The following TMEM117 variants were observed in gnomAD, a reference collection of about 807,000 sequenced individuals.
TMEM117 encodes the protein transmembrane protein 117.
Under a neutral mutation model 52.4 loss-of-function variants are expected in TMEM117, and 27 were observed. The ratio of observed to expected loss-of-function variants is 0.51; its 90% confidence interval spans 0.38 to 0.71. The LOEUF is 0.71. Among genes scored for constraint, TMEM117 ranks in the 30% least tolerant of loss-of-function variants. TMEM117 has a pLI of 0.00. For missense variants in TMEM117, 556 were observed against 630.5 expected (o/e 0.88, Z 1.26); for synonymous variants, 215 against 206.3 (o/e 1.04, Z -0.36).
At chr12:44,240,488 A>G (rs948894541) in intron 5 of TMEM117, among the ~76,000 whole-genome samples, 1 of 152,076 alleles carries the variant, frequency 6.6e-6, no homozygotes, top group African/African-American at 2.4e-5. Context: ...TATTGCAACA[A>G]TTGGTGGTCT....
chr12:44,260,086 G>T (rs61628384), intron 5 of TMEM117, among the ~76,000 whole-genome samples: 1 of 152,170 alleles, frequency 6.6e-6, no homozygotes, highest in Non-Finnish European at 1.5e-5. Flanking sequence ...CCAGGCCAAC[G>T]TAGGGACCGA....
At chr12:44,209,520 C>T (rs1949617683) in intron 4 of TMEM117, among the ~76,000 whole-genome samples, 1 of 152,052 alleles carries the variant, frequency 6.6e-6, no homozygotes, top group African/African-American at 2.4e-5. Context: ...GTTGCATTCA[C>T]ATTTATATAG....
At chr12:44,117,252 A>G (rs115168223) in intron 3 of TMEM117, among the ~76,000 whole-genome samples, 1,745 of 151,504 alleles carry the variant, frequency 0.012, 22 homozygotes, top group South Asian at 0.052. Context: ...AAATGTTTCC[A>G]CCTCTCTTTT....
rs1277654234 is a variant in TMEM117 at position 44,389,686 on chromosome 12, T to C, written c.*1014T>C. The C allele has an allele frequency of 6.6e-6, 1 of 152,582 alleles. No homozygotes were observed. Among genetic ancestry groups the C allele is most frequent in the Non-Finnish European group, 1.5e-5 (1 of 68,006 alleles). 9.5% of individuals were successfully genotyped at this position (152,582 alleles called of 1,614,324 possible). On this transcript the variant is annotated 3_prime_UTR_variant, in exon 8 of 8. Coordinates refer to ENST00000266534, the MANE Select transcript of TMEM117 (RefSeq NM_032256.3). ...GAAAGAATTTGTTTAATGTCTTGTT[T>C]TGCGTATGTGTTTTTTGTTTTTGTT...
intron 7 of TMEM117, among the ~76,000 whole-genome samples, chr12:44,381,959 A>G (rs1952027198): frequency 6.6e-6 from 1 of 152,178 alleles, no homozygotes; most frequent in African/African-American, 2.4e-5. Flanking sequence ...CTGTATACAA[A>G]GAAAGTCCCC....
intron 2 of TMEM117, among the ~76,000 whole-genome samples, chr12:43,908,776 C>G (rs1433373385): frequency 2.0e-5 from 3 of 151,928 alleles, no homozygotes; most frequent in Middle Eastern, 3.4e-3. Context: ...GTAAAGGGAT[C>G]AATTCAACAA....
At chr12:44,156,329 A>C (rs1948825496) in intron 4 of TMEM117, among the ~76,000 whole-genome samples, 1 of 152,090 alleles carries the variant, frequency 6.6e-6, no homozygotes, top group African/African-American at 2.4e-5. Flanking sequence ...TTAAGCTGTC[A>C]ATATTTGTAA....
chr12:44,365,742 G>T (rs1473739078), intron 6 of TMEM117, among the ~76,000 whole-genome samples: 1 of 151,694 alleles, frequency 6.6e-6, no homozygotes, highest in Non-Finnish European at 1.5e-5. Context: ...CTCCTATAAA[G>T]GATTTTCTTT....
intron 5 of TMEM117, among the ~76,000 whole-genome samples, chr12:44,241,704 C>G (rs983126308): frequency 2.0e-5 from 3 of 151,242 alleles, no homozygotes; most frequent in African/African-American, 7.2e-5. Context: ...AGAAACATGC[C>G]ATGATATTTT....
chr12:44,176,223 T>C lies in TMEM117; in HGVS notation c.510+32599T>C, dbSNP rs564936229. On this transcript the variant is annotated intron_variant, in intron 4 of 7. Transcript: ENST00000266534. ...GGTTGACTAGACTGGAACATTATCA[T>C]TTTTAGTAGAATTTAAGCTCTGCTA... Among the ~76,000 whole-genome samples the C allele has an allele frequency of 1.1e-3, 162 of 152,322 alleles. No homozygotes were observed. In the Middle Eastern group the frequency reaches 0.014, roughly 13 times the overall value.
chr12:43,953,997 A>G (rs1467200115), intron 3 of TMEM117, among the ~76,000 whole-genome samples: 5 of 152,224 alleles, frequency 3.3e-5, no homozygotes, highest in Non-Finnish European at 5.9e-5. Flanking sequence ...AAGATTTAAA[A>G]GCCTACTCAA....
intron 2 of TMEM117, among the ~76,000 whole-genome samples, chr12:43,931,915 G>T (rs1275007259): frequency 6.6e-6 from 1 of 152,190 alleles, no homozygotes; most frequent in African/African-American, 2.4e-5. Context: ...GTGTCCTTGA[G>T]CTTACACTTT....
intron 3 of TMEM117, among the ~76,000 whole-genome samples, chr12:44,004,745 C>T (rs1256093384): frequency 6.6e-6 from 1 of 152,088 alleles, no homozygotes; most frequent in Non-Finnish European, 1.5e-5. Flanking sequence ...CCAGCCATCA[C>T]CTCCCCTCCA....
At chr12:44,098,496 A>G (rs1451925990) in intron 3 of TMEM117, among the ~76,000 whole-genome samples, 1 of 152,078 alleles carries the variant, frequency 6.6e-6, no homozygotes, top group Non-Finnish European at 1.5e-5. Context: ...GCCTATGAGA[A>G]TGAATACCAG....
chr12:44,184,700 CT>C (rs1006591192), intron 4 of TMEM117, among the ~76,000 whole-genome samples: 3 of 152,166 alleles, frequency 2.0e-5, no homozygotes, highest in Non-Finnish European at 2.9e-5. Flanking sequence ...TTCCTAGAGC[CT>C]CCAGAAAGGA....
intron 2 of TMEM117, among the ~76,000 whole-genome samples, chr12:43,900,980 T>A (rs974188963): frequency 6.6e-6 from 1 of 152,194 alleles, no homozygotes; most frequent in Non-Finnish European, 1.5e-5. Flanking sequence ...TTATAGCCCA[T>A]CATATAGATA....
chr12:44,352,603 T>C lies in TMEM117; in HGVS notation c.769-23992T>C, dbSNP rs560707160. 3.0e-3 allele frequency among the ~76,000 whole-genome samples: 461 copies of C among 152,268 alleles called. 1 individual carries two copies. Among genetic ancestry groups the C allele is most frequent in the Admixed American group, 7.1e-3 (108 of 15,264 alleles). ...GAATGATGGTTTCCAGCTTCATCCA[T>C]GTCCCTACAAAGGACATGAACTCAT... On this transcript the variant is annotated intron_variant, in intron 6 of 7. Coordinates refer to ENST00000266534, the MANE Select transcript of TMEM117 (RefSeq NM_032256.3).
At chr12:43,964,493 C>T (rs985469331) in intron 3 of TMEM117, among the ~76,000 whole-genome samples, 5 of 152,280 alleles carry the variant, frequency 3.3e-5, no homozygotes, top group African/African-American at 9.6e-5. Flanking sequence ...CACACAATGT[C>T]CTTCTTCCTA....
intron 5 of TMEM117, among the ~76,000 whole-genome samples, chr12:44,243,851 C>A (rs1019460965): frequency 6.7e-6 from 1 of 149,074 alleles, no homozygotes; most frequent in Admixed American, 6.7e-5. Context: ...TTTTAAGATT[C>A]CACACATAAG....
Sources: allele counts gnomAD v4.1 joint callset (sites outside exome capture counted in the v4.1 genomes callset), GRCh38; gene constraint gnomAD v4.1.1; transcripts MANE v1.5; gene names NCBI Gene and HGNC (gene_info 2026-07-23, HGNC 2026-07-21).